Variants in HMCN1 observed in about 807,000 individuals in gnomAD.
HMCN1 encodes hemicentin-1.
Under a neutral mutation model 625.9 loss-of-function variants are expected in HMCN1, and 321 were observed. The ratio of observed to expected loss-of-function variants is 0.51; its 90% confidence interval spans 0.47 to 0.56. The LOEUF is 0.56. Ranked by LOEUF, HMCN1 falls within the 20% of genes least tolerant of loss-of-function variation. The probability of loss-of-function intolerance (pLI) is 0.00; values close to 1 mark genes in which losing one functional copy is unlikely to be tolerated. For synonymous variants in HMCN1, 2,425 were observed against 2,417.6 expected (o/e 1.00, Z -0.09); for missense variants, 6,588 against 6,887.3 (o/e 0.96, Z 1.54).
chr1:185,737,473 G>A (rs1653673702), intron 1 of HMCN1, among the ~76,000 whole-genome samples: 1 of 152,120 alleles, frequency 6.6e-6, no homozygotes, highest in Non-Finnish European at 1.5e-5. Flanking sequence ...ATGGGAATTG[G>A]CTGTCTTAGT....
At chr1:185,761,880 CA>C (rs1418170689) in intron 1 of HMCN1, among the ~76,000 whole-genome samples, 1 of 152,098 alleles carries the variant, frequency 6.6e-6, no homozygotes, top group Non-Finnish European at 1.5e-5. Flanking sequence ...TTAATCCCCC[CA>C]GGTGCTAAAT....
intron 71 of HMCN1, among the ~76,000 whole-genome samples, chr1:186,109,335 A>C (rs1396937482): frequency 1.3e-5 from 2 of 152,166 alleles, no homozygotes; most frequent in Non-Finnish European, 2.9e-5. Flanking sequence ...CACAAACACC[A>C]AACATGGAGA....
intron 1 of HMCN1, among the ~76,000 whole-genome samples, chr1:185,806,206 G>A (rs1290890730): frequency 1.3e-5 from 2 of 151,952 alleles, no homozygotes; most frequent in Non-Finnish European, 2.9e-5. Context: ...TCATAGATGA[G>A]GAAACTGTCA....
Position 186,039,727 on chromosome 1 carries a change from G to T in HMCN1, c.6029-1G>T. The T allele has an allele frequency of 6.2e-7, 1 of 1,613,132 alleles. No individual in the cohort carries two copies. Among genetic ancestry groups the T allele is most frequent in the Non-Finnish European group, 8.5e-7 (1 of 1,179,428 alleles). ...GTCTTACTTTCATTTGTTTTTTTCA[G>T]TGGCCCCATCAATTTCTGGCAGCAA... On this transcript the variant is annotated splice_acceptor_variant, in intron 38 of 106. Coordinates refer to ENST00000271588, the MANE Select transcript of HMCN1 (RefSeq NM_031935.3). LOFTEE classifies it high-confidence loss of function.
At chr1:185,755,183 CTG>C (rs1655054929) in intron 1 of HMCN1, among the ~76,000 whole-genome samples, 1 of 152,166 alleles carries the variant, frequency 6.6e-6, no homozygotes, top group Non-Finnish European at 1.5e-5. Flanking sequence ...CCACTATAAT[CTG>C]TGTTTTTCTC....
intron 11 of HMCN1, among the ~76,000 whole-genome samples, chr1:185,935,709 T>A (rs947172544): frequency 2.0e-5 from 3 of 152,124 alleles, no homozygotes; most frequent in Non-Finnish European, 2.9e-5. Flanking sequence ...AGGGCCAATT[T>A]TGATGATAAG....
rs767616401 is a variant in HMCN1, at chr1:186,055,439, T to C, written c.6909T>C (p.Ile2303=). 7 of 1,612,722 alleles carry C rather than the reference T, an allele frequency of 4.3e-6. No homozygotes were observed. Among genetic ancestry groups the C allele is most frequent in the Non-Finnish European group, 5.9e-6 (7 of 1,179,154 alleles). ...TNSGSHPTEI[I]VTRGKSISLE... Reference sequence around the variant, plus strand: ...GTGGCAGCCACCCTACTGAAATTATTGTGACCCGAGGGAAGAGTATCTCCT... The same window carrying C: ...GTGGCAGCCACCCTACTGAAATTATCGTGACCCGAGGGAAGAGTATCTCCT... The change falls in exon 45 of 107, where the codon ATT becomes ATC. Residue 2303 remains isoleucine, a synonymous_variant. Transcript: ENST00000271588.
In HMCN1 at chr1:185,977,729, G is replaced by T. The variant is rs11811425; in HGVS notation, c.2372-58G>T. On this transcript the variant is annotated intron_variant, in intron 15 of 106. Coordinates refer to ENST00000271588, the MANE Select transcript of HMCN1 (RefSeq NM_031935.3). ...TTGACAGTTTAATATTTAAGTTTATGTTTAATATGCCTGTATAATATACCG... is the reference window on the plus strand; with the variant it reads ...TTGACAGTTTAATATTTAAGTTTATTTTTAATATGCCTGTATAATATACCG... The T allele has an allele frequency of 7.6e-3, 7,894 of 1,037,928 alleles. 365 individuals carry two copies. The African/African-American group carries it at 0.11, about 14-fold the overall frequency. 64.3% of individuals were successfully genotyped at this position (1,037,928 alleles called of 1,614,324 possible). A position where few individuals can be genotyped will look rare whatever the true frequency, so the allele number is the denominator to read the frequency against.
intron 11 of HMCN1, among the ~76,000 whole-genome samples, chr1:185,951,091 G>T (rs530303987): frequency 2.6e-5 from 4 of 151,822 alleles, no homozygotes; most frequent in East Asian, 1.9e-4. Context: ...ATGGTAAGGG[G>T]TGCATGATCG....
At chr1:186,030,620 A>G (rs1057334449) in intron 36 of HMCN1, among the ~76,000 whole-genome samples, 2 of 152,028 alleles carry the variant, frequency 1.3e-5, no homozygotes, top group Non-Finnish European at 2.9e-5. Context: ...TGAATTTTTA[A>G]AAAACTCCAT....
At chr1:185,900,883 T>G (rs1252895128) in intron 4 of HMCN1, among the ~76,000 whole-genome samples, 1 of 151,812 alleles carries the variant, frequency 6.6e-6, no homozygotes, top group African/African-American at 2.4e-5. Context: ...AAAACTTGAT[T>G]GAATATGTTA....
intron 3 of HMCN1, 71 bp downstream of exon 3, chr1:185,864,699 T>A: frequency 7.3e-7 from 1 of 1,367,588 alleles, no homozygotes; most frequent in Non-Finnish European, 1.0e-6. Context: ...CCTCTTTGAC[T>A]CTTCCATGTG....
rs79443771 is a variant in HMCN1 at position 186,028,627 on chromosome 1, A to G, written c.5749+5474A>G. Among the ~76,000 whole-genome samples the G allele has an allele frequency of 2.4e-3, 366 of 152,154 alleles. 3 individuals are homozygous for G. Among genetic ancestry groups the G allele is most frequent in the African/African-American group, 8.4e-3 (348 of 41,500 alleles). On this transcript the variant is annotated intron_variant, in intron 36 of 106. Coordinates refer to ENST00000271588, the MANE Select transcript of HMCN1 (RefSeq NM_031935.3). Reference sequence around the variant, plus strand: ...TCCACTTGTTTGTCAAATACCATGTACTAGTGACTATACCCAAAGAGCTTC... The same window carrying G: ...TCCACTTGTTTGTCAAATACCATGTGCTAGTGACTATACCCAAAGAGCTTC...
chr1:185,870,361 T>C (rs1663531939), intron 4 of HMCN1, among the ~76,000 whole-genome samples: 1 of 152,132 alleles, frequency 6.6e-6, no homozygotes, highest in South Asian at 2.1e-4. Context: ...AGATGCTATA[T>C]CCCTGTGTCA....
chr1:185,983,597 G>A (rs796323104), intron 18 of HMCN1, among the ~76,000 whole-genome samples: 28 of 152,258 alleles, frequency 1.8e-4, no homozygotes, highest in African/African-American at 6.3e-4. Flanking sequence ...ATGCAGTGTG[G>A]ATGGATGATA....
intron 1 of HMCN1, among the ~76,000 whole-genome samples, chr1:185,822,003 G>C (rs571995080): frequency 3.0e-4 from 45 of 152,132 alleles, no homozygotes; most frequent in Non-Finnish European, 5.9e-4. Flanking sequence ...ATAATCTTTG[G>C]GAAAAGGGAA....
At position 185,908,819 on chromosome 1, in the gene HMCN1, ATATAT is replaced by A. The variant is rs542192924; in HGVS notation, c.622-513_622-509del. Among the ~76,000 whole-genome samples, 295 of 148,538 alleles carry A rather than the reference ATATAT, an allele frequency of 2.0e-3. 1 individual carries two copies. The highest frequency in any genetic ancestry group is 6.5e-3 in the African/African-American group (268 of 40,970). ...ATTTTTCTATAATTAGTATGCTGTA[ATATAT>A]TATAATATACTATATATAATTATAA... is the stretch of plus-strand genomic sequence containing the variant. On this transcript the variant is annotated intron_variant, in intron 4 of 106. Coordinates refer to ENST00000271588, the MANE Select transcript of HMCN1 (RefSeq NM_031935.3).
chr1:185,756,122 G>A (rs1655116998), intron 1 of HMCN1, among the ~76,000 whole-genome samples: 1 of 152,150 alleles, frequency 6.6e-6, no homozygotes, highest in African/African-American at 2.4e-5. Context: ...AAATCAATAA[G>A]ATAGTGTGAA....
At chr1:185,776,003 A>G (rs754843626) in intron 1 of HMCN1, among the ~76,000 whole-genome samples, 1 of 152,180 alleles carries the variant, frequency 6.6e-6, no homozygotes, top group African/African-American at 2.4e-5. Flanking sequence ...TGACTGTTCT[A>G]TATGTTGAAA....
Sources: allele counts gnomAD v4.1 joint callset (sites outside exome capture counted in the v4.1 genomes callset), GRCh38; gene constraint gnomAD v4.1.1; transcripts MANE v1.5; gene names NCBI Gene and HGNC (gene_info 2026-07-23, HGNC 2026-07-21).